The following STK17A variants were observed in gnomAD, a reference collection of about 807,000 sequenced individuals.
STK17A encodes serine/threonine kinase 17a.
Under a neutral mutation model 43.7 loss-of-function variants are expected in STK17A, and 26 were observed. The observed-to-expected ratio is 0.60, with a 90% CI of 0.44 to 0.83. The LOEUF (loss-of-function observed/expected upper bound fraction) is 0.83. Ranked by LOEUF, STK17A falls within the 40% of genes least tolerant of loss-of-function variation. STK17A has a pLI of 0.00. For missense variants in STK17A, 476 were observed against 511.6 expected (o/e 0.93, Z 0.67); for synonymous variants, 191 against 182.5 (o/e 1.05, Z -0.38).
intron 3 of STK17A, among the ~76,000 whole-genome samples, chr7:43,615,278 T>C (rs900623772): frequency 6.6e-6 from 1 of 152,140 alleles, no homozygotes; most frequent in Non-Finnish European, 1.5e-5. Context: ...CAGGCTCAAG[T>C]GATCCTCCCA....
At chr7:43,616,102 CAATA>C (rs2083315467) in intron 3 of STK17A, among the ~76,000 whole-genome samples, 2 of 152,202 alleles carry the variant, frequency 1.3e-5, no homozygotes, top group Admixed American at 6.5e-5. Context: ...ATTAGGCAAT[CAATA>C]AATATTTGTT....
At position 43,614,282 on chromosome 7, in the gene STK17A, TTTC is replaced by T. The variant is rs1397508919; in HGVS notation, c.565-5313_565-5311del. On this transcript the variant is annotated intron_variant, in intron 3 of 6. Coordinates refer to ENST00000319357, the MANE Select transcript of STK17A (RefSeq NM_004760.3). ...ATCTATTTACGGACCGTCTGCAGGT[TTTC>T]TGCCTATTCCACTGTTATCACCTCT... 2.0e-5 allele frequency among the ~76,000 whole-genome samples: 3 copies of T among 152,218 alleles called. No individual in the cohort carries two copies. In the South Asian group the frequency reaches 6.2e-4, roughly 32 times the overall value.
chr7:43,616,680 G>A (rs1422138242), intron 3 of STK17A, among the ~76,000 whole-genome samples: 4 of 152,192 alleles, frequency 2.6e-5, no homozygotes, highest in East Asian at 1.9e-4. Flanking sequence ...GGCGGATCAC[G>A]AGGTCAGGAG....
rs1801821 is a variant in STK17A at position 43,624,734 on chromosome 7, A to G, written c.1137A>G (p.Gly379=). Reference sequence around the variant, plus strand: ...TTGTAGTTACTTCATATACTCTAGGACAATGCAGACAGTCTGAAAAAGAGA... The same window carrying G: ...TTGTAGTTACTTCATATACTCTAGGGCAATGCAGACAGTCTGAAAAAGAGA... The part of the protein sequence containing the change: ...ELIVVTSYTL[G]QCRQSEKEKM... Residue 379 remains glycine (G), a synonymous_variant, in exon 7 of 7, where the codon GGA becomes GGG. Transcript: ENST00000319357. 1 of 1,614,060 alleles carries G rather than the reference A, an allele frequency of 6.2e-7. No individual in the cohort carries two copies.
intron 3 of STK17A, among the ~76,000 whole-genome samples, chr7:43,615,091 T>C (rs565519038): frequency 1.2e-4 from 18 of 152,342 alleles, no homozygotes; most frequent in African/African-American, 4.3e-4. Flanking sequence ...CAATTATGAA[T>C]ATGTATCACT....
At chr7:43,616,693 C>T (rs535084342) in intron 3 of STK17A, among the ~76,000 whole-genome samples, 296 of 152,092 alleles carry the variant, frequency 1.9e-3, no homozygotes, top group African/African-American at 6.9e-3. Flanking sequence ...GTCAGGAGAT[C>T]GAGACCATCC....
intron 1 of STK17A, among the ~76,000 whole-genome samples, chr7:43,592,366 G>T (rs78017129): frequency 0.012 from 1,854 of 149,478 alleles, 60 homozygotes; most frequent in African/African-American, 0.043. Flanking sequence ...GTGCTGCTAG[G>T]TAGGTTGTTA....
chr7:43,604,624 C>T (rs2152972031), intron 2 of STK17A, among the ~76,000 whole-genome samples: 1 of 152,264 alleles, frequency 6.6e-6, no homozygotes, highest in South Asian at 2.1e-4. Flanking sequence ...TCCTCTTTCT[C>T]ACTGGTTTTT....
intron 3 of STK17A, among the ~76,000 whole-genome samples, chr7:43,618,050 A>G (rs1171237451): frequency 6.6e-6 from 1 of 152,254 alleles, no homozygotes; most frequent in East Asian, 1.9e-4. Flanking sequence ...ATGAGAGGAC[A>G]GAAGTCAGAT....
chr7:43,586,347 T>C (rs967074390), intron 1 of STK17A, among the ~76,000 whole-genome samples: 5 of 151,610 alleles, frequency 3.3e-5, no homozygotes, highest in African/African-American at 1.2e-4. Context: ...ATGGTCAACA[T>C]TGATTCCAGA....
chr7:43,624,008 C>T (rs908231954), intron 6 of STK17A, 120 bp downstream of exon 6: 26 of 674,914 alleles, frequency 3.9e-5, no homozygotes, highest in Non-Finnish European at 5.2e-5. Flanking sequence ...ACTTCTAAAA[C>T]ACCATAATGG....
At chr7:43,614,486 G>A (rs566091013) in intron 3 of STK17A, among the ~76,000 whole-genome samples, 16 of 152,220 alleles carry the variant, frequency 1.1e-4, no homozygotes, top group East Asian at 1.9e-4. Context: ...CATGTATTTC[G>A]GCTTATTGGA....
Position 43,583,395 on chromosome 7 carries a change from G to A in STK17A, c.152G>A (p.Arg51His), listed in dbSNP as rs1166510455. Reference sequence around the variant, plus strand: ...CTGACAGAGATACGCGCCGTGGTGCGCACCGAGCCCTTCCAGGACGGCTAC... The same window carrying A: ...CTGACAGAGATACGCGCCGTGGTGCACACCGAGCCCTTCCAGGACGGCTAC... The part of the protein sequence containing the change: ...GLLTEIRAVV[R>H]TEPFQDGYSL... Residue 51 changes from arginine (R) to histidine (H), a missense_variant, in exon 1 of 7, where the codon CGC becomes CAC. By Grantham distance (29) the Arg-to-His change is conservative. Around this residue, in one of 3 missense-constraint regions of STK17A, gnomAD observed 320 missense variants for 326.3 expected, o/e 0.98. Transcript: ENST00000319357. 1 of 1,441,198 alleles carries A rather than the reference G, an allele frequency of 6.9e-7. No homozygotes were observed. The highest frequency in any genetic ancestry group is 9.1e-7 in the Non-Finnish European group (1 of 1,095,600). The allele number at this position is 1,441,198 out of a possible 1,614,324, so 89.3% of individuals were successfully genotyped here.
chr7:43,619,205 T>G (rs4077509), intron 3 of STK17A, among the ~76,000 whole-genome samples: 50,980 of 151,798 alleles, frequency 0.34, 9,648 homozygotes, highest in Non-Finnish European at 0.44. Context: ...AGTCAAGGGG[T>G]CAGAAGAGAT....
chr7:43,616,248 A>G (rs763268867), intron 3 of STK17A, among the ~76,000 whole-genome samples: 8 of 152,140 alleles, frequency 5.3e-5, no homozygotes, highest in Admixed American at 6.5e-5. Flanking sequence ...TCATGGTGCA[A>G]TTCACAGAAG....
At chr7:43,609,841 G>C (rs10282334) in intron 3 of STK17A, among the ~76,000 whole-genome samples, 3 of 152,040 alleles carry the variant, frequency 2.0e-5, no homozygotes, top group Admixed American at 2.0e-4. Flanking sequence ...CTCACACCAC[G>C]ATCATCTACT....
intron 4 of STK17A, among the ~76,000 whole-genome samples, chr7:43,620,569 G>A (rs1210231889): frequency 6.6e-6 from 1 of 152,030 alleles, no homozygotes; most frequent in African/African-American, 2.4e-5. Flanking sequence ...AGCTACTCGG[G>A]AGGCTGAGGC....
At position 43,624,866 on chromosome 7, in the gene STK17A, A is replaced by T. The variant is rs770257334; in HGVS notation, c.*24A>T. On this transcript the variant is annotated 3_prime_UTR_variant, in exon 7 of 7. Transcript: ENST00000319357. ...GAGCAATATTTCCCTTTAGAACTTC[A>T]AGATTTCTACATTGAAAATGTTAAT... The T allele has an allele frequency of 6.4e-7, 1 of 1,553,682 alleles. No individual in the cohort carries two copies. The highest frequency in any genetic ancestry group is 8.7e-7 in the Non-Finnish European group (1 of 1,150,152).
rs1456271935 is a variant in STK17A, at chr7:43,596,910, C to G, written c.419+797C>G. ...AACCTTAATACTCATGCCTGTAATC[C>G]CAGCACTTTGGGAGGCCAAGGCAGG... On this transcript the variant is annotated intron_variant, in intron 2 of 6. Coordinates refer to ENST00000319357, the MANE Select transcript of STK17A (RefSeq NM_004760.3). Among the ~76,000 whole-genome samples, 4 of 151,802 alleles carry G rather than the reference C, an allele frequency of 2.6e-5. No homozygotes were observed. In the East Asian group the frequency reaches 7.7e-4, roughly 29 times the overall value.
Sources: allele counts gnomAD v4.1 joint callset (sites outside exome capture counted in the v4.1 genomes callset), GRCh38; gene constraint gnomAD v4.1.1; regional missense constraint gnomAD v4.1.1; transcripts MANE v1.5; gene names NCBI Gene and HGNC (gene_info 2026-07-23, HGNC 2026-07-21).